NOTCH2: variants seen among roughly 807,000 people sequenced by gnomAD.
The protein encoded by NOTCH2 is neurogenic locus notch homolog protein 2.
Under a neutral mutation model 235.8 loss-of-function variants are expected in NOTCH2, and 29 were observed. The observed-to-expected ratio is 0.12, with a 90% CI of 0.09 to 0.17. The LOEUF (loss-of-function observed/expected upper bound fraction) is 0.17, where lower values mean the gene tolerates loss of function less well. Among genes scored for constraint, NOTCH2 ranks in the 10% least tolerant of loss-of-function variants. NOTCH2 has a pLI of 1.00. For synonymous variants in NOTCH2, 1,086 were observed against 1,141.5 expected (o/e 0.95, Z 0.98); for missense variants, 2,285 against 3,150.2 (o/e 0.73, Z 6.57).
At chr1:119,970,810 A>G (rs1651332628) in intron 5 of NOTCH2, among the ~76,000 whole-genome samples, 1 of 152,248 alleles carries the variant, frequency 6.6e-6, no homozygotes, top group Non-Finnish European at 1.5e-5. Flanking sequence ...AAGGAACTAA[A>G]ATTTAGATCA....
chr1:119,933,515 C>G (rs1553195410), intron 22 of NOTCH2, among the ~76,000 whole-genome samples: 1 of 152,090 alleles, frequency 6.6e-6, no homozygotes, highest in African/African-American at 2.4e-5. Context: ...GATAAAGAAT[C>G]TTGAAGGCAT....
chr1:119,949,290 C>G (rs1005393927), intron 15 of NOTCH2, among the ~76,000 whole-genome samples, 164 bp from the exon 16 acceptor site: 34 of 151,984 alleles, frequency 2.2e-4, no homozygotes, highest in African/African-American at 8.0e-4. Flanking sequence ...ATATTGTTAA[C>G]TGTGTAACCT....
In NOTCH2 at chr1:119,948,500, T is replaced by C. The variant is rs782147498; in HGVS notation, c.2666A>G (p.His889Arg). The change falls in exon 17 of 34, where the codon CAT becomes CGT. Residue 889 changes from histidine (H) to arginine (R), a missense_variant. Physicochemically the swap from His to Arg is conservative, Grantham distance 29. Transcript: ENST00000256646. ...ACACATGTAGCTGCCCTGGGTGTTA[T>C]GGCAGAGACCATGGTTCATGCAGGG... ...SKPCMNHGLC[H>R]NTQGSYMCEC... The C allele has an allele frequency of 1.4e-5, 22 of 1,614,044 alleles. No individual in the cohort carries two copies. The highest frequency in any genetic ancestry group is 1.8e-5 in the Non-Finnish European group (21 of 1,180,006).
intron 4 of NOTCH2, 66 bp downstream of exon 4, chr1:119,996,931 C>T (rs1477487679): frequency 1.3e-6 from 2 of 1,569,324 alleles, no homozygotes; most frequent in Admixed American, 3.5e-5. Context: ...AGCAATTGAG[C>T]CACACCCACT....
In NOTCH2 at chr1:119,923,676, C is replaced by T. The variant is rs372710038; in HGVS notation, c.4820G>A (p.Arg1607His). 1.5e-5 allele frequency: 24 copies of T among 1,614,020 alleles called. No individual in the cohort carries two copies. Among genetic ancestry groups the T allele is most frequent in the African/African-American group, 1.5e-4 (11 of 74,900 alleles). ...TTCTTGTTCACCAGGAAGGGATCTG[C>T]GTGTCATCCTCTGTTTCTTCATAGC... ...SAAMKKQRMT[R>H]RSLPGEQEQE... The change falls in exon 26 of 34, where the codon CGC becomes CAC. Residue 1607 changes from arginine (R) to histidine (H), a missense_variant. This residue lies in a region of NOTCH2 where 1,173 missense variants were observed against 1,515.3 expected (regional missense o/e 0.77). Coordinates refer to ENST00000256646, the MANE Select transcript of NOTCH2 (RefSeq NM_024408.4).
chr1:120,002,934 G>A (rs1240695745), intron 3 of NOTCH2, among the ~76,000 whole-genome samples: 1 of 149,430 alleles, frequency 6.7e-6, no homozygotes, highest in African/African-American at 2.5e-5. Context: ...CTCAGGAGAT[G>A]TGTATGGGTT....
At chr1:120,001,691 T>C in intron 3 of NOTCH2, among the ~76,000 whole-genome samples, 1 of 152,200 alleles carries the variant, frequency 6.6e-6, no homozygotes. Flanking sequence ...ACACTTACTC[T>C]GGATATGGGT....
At chr1:119,979,416 C>A (rs1651724563) in intron 5 of NOTCH2, among the ~76,000 whole-genome samples, 1 of 152,160 alleles carries the variant, frequency 6.6e-6, no homozygotes, top group African/African-American at 2.4e-5. Flanking sequence ...CCAGAAGACA[C>A]AAAGGAACAA....
intron 1 of NOTCH2, among the ~76,000 whole-genome samples, chr1:120,033,566 AC>A (rs57999881): frequency 7.9e-5 from 12 of 151,196 alleles, no homozygotes; most frequent in African/African-American, 2.9e-4. Flanking sequence ...GAAGACAAAT[AC>A]AGCATGTTCT....
chr1:119,998,037 A>G (rs1652542265), intron 3 of NOTCH2, among the ~76,000 whole-genome samples: 2 of 146,638 alleles, frequency 1.4e-5, no homozygotes, highest in Non-Finnish European at 3.0e-5. Context: ...CTATCTTGGC[A>G]ACTGTACTCA....
rs1397343979 is a variant in NOTCH2, at chr1:119,926,533, T to G, written c.3971A>C (p.Asn1324Thr). 2 of 1,606,900 alleles carry G rather than the reference T, an allele frequency of 1.2e-6. No homozygotes were observed. Among genetic ancestry groups the G allele is most frequent in the Admixed American group, 3.4e-5 (2 of 59,400 alleles). Residue 1324 changes from asparagine (N) to threonine (T), a missense_variant, in exon 24 of 34, where the codon AAC (asparagine) becomes ACC (threonine). By Grantham distance (65) the Asn-to-Thr change is moderately conservative. This residue lies in a region of NOTCH2 where 1,173 missense variants were observed against 1,515.3 expected (regional missense o/e 0.77). Coordinates refer to ENST00000256646, the MANE Select transcript of NOTCH2 (RefSeq NM_024408.4). ...ACGGCAAATGAAACCATCAGGCATG[T>G]TACTGGCCACAGCACAAGTCCCTCC... is the stretch of plus-strand genomic sequence containing the variant. Reference protein sequence around the residue: ...LNGGTCAVASNMPDGFICRCP... With the variant: ...LNGGTCAVASTMPDGFICRCP...
chr1:119,964,604 CT>C (rs1651067302), intron 10 of NOTCH2, among the ~76,000 whole-genome samples: 1 of 152,158 alleles, frequency 6.6e-6, no homozygotes, highest in Non-Finnish European at 1.5e-5. Context: ...AAAATATTAA[CT>C]TTTTGTATTA....
rs1310901325 is a variant in NOTCH2, at chr1:119,997,230, C to G, written c.518G>C (p.Gly173Ala). The stretch of plus-strand genomic sequence containing the variant: ...AGTCTCACATTTCTGCCCTGTGAAG[C>G]CTGTGAGGCATTTGCAGGAGAACTG... ...ANQFSCKCLTGFTGQKCETDV... is the reference protein window; with the variant it reads ...ANQFSCKCLTAFTGQKCETDV... The change falls in exon 4 of 34, where the codon GGC becomes GCC. Residue 173 changes from glycine to alanine, a missense_variant. This residue lies in a region of NOTCH2 where 431 missense variants were observed against 757.8 expected (regional missense o/e 0.57). Transcript: ENST00000256646. 1 of 1,613,888 alleles carries G rather than the reference C, an allele frequency of 6.2e-7. No homozygotes were observed. Among genetic ancestry groups the G allele is most frequent in the African/African-American group, 1.3e-5 (1 of 74,940 alleles).
chr1:120,067,806 T>C (rs1477383132), intron 1 of NOTCH2, among the ~76,000 whole-genome samples: 1 of 152,068 alleles, frequency 6.6e-6, no homozygotes, highest in Non-Finnish European at 1.5e-5. Context: ...AGCCTCCTGG[T>C]CCACTTCTGA....
intron 6 of NOTCH2, among the ~76,000 whole-genome samples, chr1:119,968,453 G>C (rs1651233788): frequency 6.6e-6 from 1 of 152,150 alleles, no homozygotes; most frequent in East Asian, 1.9e-4. Context: ...TGAGCTCTCA[G>C]CTAGACCTCT....
At chr1:119,970,357 G>A (rs1203779306) in intron 5 of NOTCH2, among the ~76,000 whole-genome samples, 1 of 152,174 alleles carries the variant, frequency 6.6e-6, no homozygotes, top group Non-Finnish European at 1.5e-5. Flanking sequence ...AGGGTACAGA[G>A]AAGACATGAA....
chr1:119,924,044 G>C, intron 25 of NOTCH2, 60 bp from the exon 26 acceptor site: 1 of 1,414,248 alleles, frequency 7.1e-7, no homozygotes, highest in Non-Finnish European at 9.9e-7. Context: ...AGCTCTATTT[G>C]CTTTTTCATT....
rs782313621 is a variant in NOTCH2, at chr1:119,937,323, C to T, written c.3481G>A (p.Gly1161Arg). 9.9e-6 allele frequency: 16 copies of T among 1,613,876 alleles called. No homozygotes were observed. The highest frequency in any genetic ancestry group is 2.2e-5 in the East Asian group (1 of 44,894). The change falls in exon 21 of 34, where the codon GGG becomes AGG. Residue 1161 changes from glycine to arginine, a missense_variant. This residue lies in a region of NOTCH2 where 1,173 missense variants were observed against 1,515.3 expected (regional missense o/e 0.77). Coordinates refer to ENST00000256646, the MANE Select transcript of NOTCH2 (RefSeq NM_024408.4). The part of the protein sequence containing the change: ...DECASNPCQH[G>R]ATCSDFIGGY... ...CCAATGAAGTCACTGCATGTTGCCC[C>T]GTGCTGGCAGGGGTTGGACGCACAC...
At chr1:119,920,845 G>A (rs1245980428) in intron 29 of NOTCH2, among the ~76,000 whole-genome samples, 1 of 152,142 alleles carries the variant, frequency 6.6e-6, no homozygotes, top group Non-Finnish European at 1.5e-5. Context: ...CTTGTTCAAG[G>A]TTGTTTCCTT....
Sources: allele counts gnomAD v4.1 joint callset (sites outside exome capture counted in the v4.1 genomes callset), GRCh38; gene constraint gnomAD v4.1.1; regional missense constraint gnomAD v4.1.1; transcripts MANE v1.5; gene names NCBI Gene and HGNC (gene_info 2026-07-23, HGNC 2026-07-21).